The following ENOX1 variants were observed in gnomAD, a reference collection of about 807,000 sequenced individuals.
The protein encoded by ENOX1 is candidate growth-related and time keeping constitutive hydroquinone (NADH) oxidase.
In ENOX1, 42 loss-of-function variants were observed where a neutral mutation model predicts 82.5. The ratio of observed to expected loss-of-function variants is 0.51; its 90% CI spans 0.40 to 0.66. The LOEUF (loss-of-function observed/expected upper bound fraction) is 0.66, where lower values mean the gene tolerates loss of function less well. Among genes scored for constraint, ENOX1 ranks in the 30% least tolerant of loss-of-function variants. ENOX1 has a pLI of 0.00. For missense variants in ENOX1, 608 were observed against 811.6 expected (o/e 0.75, Z 3.05); for synonymous variants, 271 against 282.2 (o/e 0.96, Z 0.40).
chr13:43,295,724 G>T (rs73176328), intron 12 of ENOX1, among the ~76,000 whole-genome samples: 13,079 of 152,280 alleles, frequency 0.086, 664 homozygotes, highest in Middle Eastern at 0.14. Flanking sequence ...ATAGTGTGGA[G>T]ATTGAAGGCA....
intron 1 of ENOX1, among the ~76,000 whole-genome samples, chr13:43,750,217 A>T (rs1950235002): frequency 6.6e-6 from 1 of 152,186 alleles, no homozygotes; most frequent in African/African-American, 2.4e-5. Context: ...TAGGAAAATA[A>T]AATTTGGCAT....
intron 3 of ENOX1, among the ~76,000 whole-genome samples, chr13:43,467,167 A>G (rs1444010155): frequency 6.6e-6 from 1 of 152,172 alleles, no homozygotes; most frequent in Non-Finnish European, 1.5e-5. Context: ...TCTATGATTA[A>G]CTTTTTAAGA....
At chr13:43,607,313 C>A (rs2082018951) in intron 2 of ENOX1, among the ~76,000 whole-genome samples, 1 of 151,804 alleles carries the variant, frequency 6.6e-6, no homozygotes, top group African/African-American at 2.4e-5. Flanking sequence ...AGAGTTTGTG[C>A]TTATTGTGCA....
chr13:43,381,932 G>T (rs1314227381), intron 5 of ENOX1, among the ~76,000 whole-genome samples: 1 of 152,040 alleles, frequency 6.6e-6, no homozygotes, highest in Non-Finnish European at 1.5e-5. Flanking sequence ...CTCTAGTAGA[G>T]GTTAAATCTT....
intron 8 of ENOX1, among the ~76,000 whole-genome samples, chr13:43,351,378 C>T (rs947817810): frequency 1.3e-5 from 2 of 151,412 alleles, no homozygotes; most frequent in African/African-American, 2.4e-5. Flanking sequence ...GCTTTAGGGT[C>T]GAGCAAAATA....
Position 43,269,480 on chromosome 13 carries a change from A to C in ENOX1, c.1544T>G (p.Leu515Arg). Residue 515 changes from leucine to arginine, a missense_variant, in exon 13 of 17, where the codon CTG becomes CGG. Transcript: ENST00000690772. ...GTTTCATTCACTTACTTGTTCCTGC[A>C]GGACTTTTAGTAACGCTTGTGTATG... ...QSHTQALLKV[L>R]QEQLKGTKEL... is the part of the protein sequence containing the mutation. 1.2e-6 allele frequency: 2 copies of C among 1,613,670 alleles called. No homozygotes were observed. The highest frequency in any genetic ancestry group is 2.2e-5 in the South Asian group (2 of 91,050).
intron 1 of ENOX1, among the ~76,000 whole-genome samples, chr13:43,716,444 T>G (rs1432584515): frequency 6.6e-6 from 1 of 152,130 alleles, no homozygotes; most frequent in Non-Finnish European, 1.5e-5. Context: ...AGACCGGAGA[T>G]CTTCCTATTT....
Position 43,439,000 on chromosome 13 carries a change from T to C in ENOX1, c.-74-26012A>G, listed in dbSNP as rs550327207. Reference sequence around the variant, plus strand: ...CTTTCTATGCTCAACAGTGTATTATTGTGTGAGAAATTTACTAAATGAACT... The same window carrying C: ...CTTTCTATGCTCAACAGTGTATTATCGTGTGAGAAATTTACTAAATGAACT... On this transcript the variant is annotated intron_variant, in intron 3 of 16. Transcript: ENST00000690772. 6.6e-5 allele frequency among the ~76,000 whole-genome samples: 10 copies of C among 152,120 alleles called. No homozygotes were observed. The South Asian group carries it at 1.5e-3, about 22-fold the overall frequency.
chr13:43,764,222 C>A (rs553260144), intron 1 of ENOX1, among the ~76,000 whole-genome samples: 1 of 152,282 alleles, frequency 6.6e-6, no homozygotes, highest in South Asian at 2.1e-4. Flanking sequence ...TCTACCTTGT[C>A]TTAATTGCAG....
chr13:43,598,618 G>A (rs114458444), intron 2 of ENOX1, among the ~76,000 whole-genome samples: 1,919 of 152,208 alleles, frequency 0.013, 52 homozygotes, highest in African/African-American at 0.044. Flanking sequence ...ACTCACAGAC[G>A]GCAAAGCAGT....
intron 3 of ENOX1, among the ~76,000 whole-genome samples, chr13:43,454,606 G>A (rs758186582): frequency 5.3e-5 from 8 of 151,948 alleles, no homozygotes; most frequent in Non-Finnish European, 1.0e-4. Context: ...TTTCTTTCCT[G>A]ATCTTTCCAG....
intron 3 of ENOX1, among the ~76,000 whole-genome samples, chr13:43,451,110 A>C (rs1336097243): frequency 6.6e-6 from 1 of 152,192 alleles, no homozygotes; most frequent in Non-Finnish European, 1.5e-5. Flanking sequence ...AGAAGTAAAA[A>C]TATCATGAAG....
chr13:43,445,388 G>T (rs535606257), intron 3 of ENOX1, among the ~76,000 whole-genome samples: 1 of 152,130 alleles, frequency 6.6e-6, no homozygotes, highest in Admixed American at 6.5e-5. Context: ...CTCCCAAAGT[G>T]CTGGGATTAC....
intron 7 of ENOX1, among the ~76,000 whole-genome samples, chr13:43,359,074 T>TCCCCAC (rs1413805831): frequency 6.8e-6 from 1 of 146,062 alleles, no homozygotes; most frequent in African/African-American, 2.5e-5. Flanking sequence ...CCCCTGCCCC[T>TCCCCAC]CCCCACCCCC....
At chr13:43,408,230 C>A (rs971999864) in intron 5 of ENOX1, among the ~76,000 whole-genome samples, 5 of 152,148 alleles carry the variant, frequency 3.3e-5, no homozygotes, top group Non-Finnish European at 7.3e-5. Context: ...GATTTGATTT[C>A]CTGGGAAATC....
chr13:43,616,198 ATATATATTT>A (rs2082460144), intron 2 of ENOX1, among the ~76,000 whole-genome samples: 1 of 19,834 alleles, frequency 5.0e-5, no homozygotes, highest in African/African-American at 6.4e-5. Flanking sequence ...ATATATATAT[ATATATATTT>A]TTTTTTTTTT....
At chr13:43,491,594 C>G (rs2076620861) in intron 2 of ENOX1, among the ~76,000 whole-genome samples, 1 of 151,938 alleles carries the variant, frequency 6.6e-6, no homozygotes, top group African/African-American at 2.4e-5. Flanking sequence ...ATGGTGAAAC[C>G]CTGTCTCTAC....
intron 1 of ENOX1, among the ~76,000 whole-genome samples, chr13:43,710,364 G>C (rs890675739): frequency 6.6e-5 from 10 of 151,950 alleles, no homozygotes; most frequent in Admixed American, 2.0e-4. Context: ...AAAATCACTT[G>C]GTTATCTCAA....
intron 2 of ENOX1, among the ~76,000 whole-genome samples, chr13:43,540,331 G>C (rs2078652296): frequency 6.6e-6 from 1 of 152,046 alleles, no homozygotes; most frequent in Non-Finnish European, 1.5e-5. Flanking sequence ...CAAGTGCTTT[G>C]AAAATCACAA....
Sources: gnomAD v4.1 joint callset for allele counts (sites outside exome capture counted in the v4.1 genomes callset) on GRCh38, gnomAD v4.1.1 for gene constraint, MANE v1.5 for transcripts, NCBI Gene and HGNC (gene_info 2026-07-23, HGNC 2026-07-21) for gene names.